SLC25A10: variants seen among roughly 807,000 people sequenced by gnomAD.
SLC25A10 encodes solute carrier family 25 member 10.
In SLC25A10, 32 loss-of-function variants were observed where a neutral mutation model predicts 40.4. The observed-to-expected ratio is 0.79, with a 90% CI of 0.60 to 1.06. The LOEUF (loss-of-function observed/expected upper bound fraction) is 1.06. SLC25A10 is among the 50% of genes least tolerant of loss of function. The pLI is 0.00. For missense variants in SLC25A10, 394 were observed against 402.6 expected (o/e 0.98, Z 0.18); for synonymous variants, 181 against 171.1 (o/e 1.06, Z -0.45).
intron 2 of SLC25A10, 115 bp from the exon 3 acceptor site, chr17:81,715,363 C>A: frequency 1.1e-6 from 1 of 940,270 alleles, no homozygotes; most frequent in South Asian, 1.5e-5. Context: ...CTTGGGAAGG[C>A]CCCTCAGGGT....
At chr17:81,713,737 G>A (rs904698484) in intron 1 of SLC25A10, among the ~76,000 whole-genome samples, 1 of 152,236 alleles carries the variant, frequency 6.6e-6, no homozygotes, top group African/African-American at 2.4e-5. Context: ...TCATCTGGGT[G>A]TTGAAGGCGG....
chr17:81,720,215 C>G lies in SLC25A10; in HGVS notation c.*138C>G. ...CCTCCGCAGCAGGCCCCTGCTGTCCCCCCACCTGCTGGCTGAGCTCCTCCT... is the reference window on the plus strand; with the variant it reads ...CCTCCGCAGCAGGCCCCTGCTGTCCGCCCACCTGCTGGCTGAGCTCCTCCT... On this transcript the variant is annotated 3_prime_UTR_variant, in exon 11 of 11. Coordinates refer to ENST00000350690, the MANE Select transcript of SLC25A10 (RefSeq NM_012140.5). The G allele has an allele frequency of 6.8e-7, 1 of 1,465,672 alleles. No homozygotes were observed. The highest frequency in any genetic ancestry group is 9.0e-7 in the Non-Finnish European group (1 of 1,116,608). The allele number at this position is 1,465,672 out of a possible 1,614,324, so 90.8% of individuals were successfully genotyped here. A position where few individuals can be genotyped will look rare whatever the true frequency, so the allele number is the denominator to read the frequency against.
chr17:81,720,221 C>T lies in SLC25A10; in HGVS notation c.*144C>T. On this transcript the variant is annotated 3_prime_UTR_variant, in exon 11 of 11. Coordinates refer to ENST00000350690, the MANE Select transcript of SLC25A10 (RefSeq NM_012140.5). ...CAGCAGGCCCCTGCTGTCCCCCCAC[C>T]TGCTGGCTGAGCTCCTCCTGGCCTC... The T allele has an allele frequency of 2.1e-6, 3 of 1,461,088 alleles. No individual in the cohort carries two copies. The highest frequency in any genetic ancestry group is 2.7e-6 in the Non-Finnish European group (3 of 1,114,476). The allele number at this position is 1,461,088 out of a possible 1,614,324, so 90.5% of individuals were successfully genotyped here.
intron 9 of SLC25A10, among the ~76,000 whole-genome samples, chr17:81,719,269 T>C (rs1467958630): frequency 6.6e-6 from 1 of 152,076 alleles, no homozygotes; most frequent in Non-Finnish European, 1.5e-5. Context: ...GGTTTCGCCA[T>C]GTTCGCCAGG....
At position 81,717,040 on chromosome 17, in the gene SLC25A10, T is replaced by A. The variant is rs775871230; in HGVS notation, c.502T>A (p.Ser168Thr). 5.0e-6 allele frequency: 8 copies of A among 1,613,586 alleles called. No homozygotes were observed. The Admixed American group carries it at 1.3e-4, about 27-fold the overall frequency. ...RRLFSGATMASSRGALVTVGQ... is the reference protein window; with the variant it reads ...RRLFSGATMATSRGALVTVGQ... The stretch of plus-strand genomic sequence containing the variant: ...ACTGTTCTCGGGTGCAACCATGGCA[T>A]CCAGCCGAGGGGCCTTAGTCACTGT... The change falls in exon 7 of 11, where the codon TCC becomes ACC. Residue 168 changes from serine to threonine, a missense_variant. Physicochemically the swap from Ser to Thr is moderately conservative, Grantham distance 58. Transcript: ENST00000350690.
intron 9 of SLC25A10, 91 bp from the exon 10 acceptor site, chr17:81,719,740 C>A: frequency 6.7e-7 from 1 of 1,496,278 alleles, no homozygotes; most frequent in Non-Finnish European, 9.3e-7. Flanking sequence ...AATGCCCAGG[C>A]CACCGTGCCT....
At position 81,719,904 on chromosome 17, in the gene SLC25A10, A is replaced by G. The variant is rs777297711; in HGVS notation, c.762+17A>G. 7.2e-5 allele frequency: 116 copies of G among 1,613,592 alleles called. No individual in the cohort carries two copies. The East Asian group carries it at 2.3e-3, about 33-fold the overall frequency. The stretch of plus-strand genomic sequence containing the variant: ...TTTTACAAGGTGCAGTGGTGGCGGC[A>G]GTGGCGGCTTGGGCAATGGGGAGCG... On this transcript the variant is annotated intron_variant, in intron 10 of 10. Coordinates refer to ENST00000350690, the MANE Select transcript of SLC25A10 (RefSeq NM_012140.5).
chr17:81,717,184 C>G (rs2037504650), intron 7 of SLC25A10, 112 bp downstream of exon 7: 1 of 1,263,270 alleles, frequency 7.9e-7, no homozygotes, highest in African/African-American at 1.5e-5. Flanking sequence ...GGGGAGCCAC[C>G]AGCTGTGACC....
At position 81,720,296 on chromosome 17, in the gene SLC25A10, TCCCGGCTGGGCACTGCGTGGCCTTG is replaced by T; in HGVS notation, c.*223_*247del. On this transcript the variant is annotated 3_prime_UTR_variant, in exon 11 of 11. Coordinates refer to ENST00000350690, the MANE Select transcript of SLC25A10 (RefSeq NM_012140.5). ...CACCCCCGCTCTGGCTACCAGGCTC[TCCCGGCTGGGCACTGCGTGGCCTTG>T]CCCCTCTCCCGCTGGCAGCTCCTCA... 7.0e-7 allele frequency: 1 copy of T among 1,435,772 alleles called. No individual in the cohort carries two copies. Among genetic ancestry groups the T allele is most frequent in the Non-Finnish European group, 9.1e-7 (1 of 1,100,342 alleles). 88.9% of individuals were successfully genotyped at this position (1,435,772 alleles called of 1,614,324 possible).
chr17:81,720,222 T>A lies in SLC25A10; in HGVS notation c.*145T>A. ...AGCAGGCCCCTGCTGTCCCCCCACC[T>A]GCTGGCTGAGCTCCTCCTGGCCTCG... is the stretch of plus-strand genomic sequence containing the variant. On this transcript the variant is annotated 3_prime_UTR_variant, in exon 11 of 11. Coordinates refer to ENST00000350690, the MANE Select transcript of SLC25A10 (RefSeq NM_012140.5). 1 of 1,460,418 alleles carries A rather than the reference T, an allele frequency of 6.8e-7. No individual in the cohort carries two copies. Among genetic ancestry groups the A allele is most frequent in the Non-Finnish European group, 9.0e-7 (1 of 1,114,078 alleles). 90.5% of individuals were successfully genotyped at this position (1,460,418 alleles called of 1,614,324 possible). A position where few individuals can be genotyped will look rare whatever the true frequency, so the allele number is the denominator to read the frequency against.
At chr17:81,713,541 C>A in intron 1 of SLC25A10, 8 of 968,036 alleles carry the variant, frequency 8.3e-6, no homozygotes, top group Non-Finnish European at 9.8e-6. Flanking sequence ...GCACCTGAGA[C>A]CTCACTGGTC....
rs1428137088 is a variant in SLC25A10, at chr17:81,716,768, G to T, written c.420-44G>T. Reference sequence around the variant, plus strand: ...CTGGGAGGACCCTCTGTGGGAGCCGGTGGTCAGGGGGAGTCTCATGTGGTC... The same window carrying T: ...CTGGGAGGACCCTCTGTGGGAGCCGTTGGTCAGGGGGAGTCTCATGTGGTC... On this transcript the variant is annotated intron_variant, in intron 5 of 10. Coordinates refer to ENST00000350690, the MANE Select transcript of SLC25A10 (RefSeq NM_012140.5). 1.9e-5 allele frequency: 30 copies of T among 1,582,668 alleles called. No individual in the cohort carries two copies. In the East Asian group the frequency reaches 6.5e-4, roughly 34 times the overall value.
At chr17:81,717,601 G>A in intron 8 of SLC25A10, 110 bp downstream of exon 8, 2 of 1,371,112 alleles carry the variant, frequency 1.5e-6, no homozygotes, top group South Asian at 2.4e-5. Flanking sequence ...GCATCTGGCA[G>A]TGCCCCCTGG....
chr17:81,714,816 G>A, intron 1 of SLC25A10, 137 bp from the exon 2 acceptor site: 1 of 1,182,258 alleles, frequency 8.5e-7, no homozygotes, highest in South Asian at 1.5e-5. Context: ...GCTGGTTCCA[G>A]GCACGGGTGT....
intron 9 of SLC25A10, 64 bp downstream of exon 9, chr17:81,717,925 G>A: frequency 3.0e-6 from 4 of 1,315,942 alleles, no homozygotes; most frequent in Non-Finnish European, 4.3e-6. Flanking sequence ...ACCTCTCCGG[G>A]GGGTGGACAC....
chr17:81,719,848 C>A lies in SLC25A10; in HGVS notation c.723C>A (p.Ala241=), dbSNP rs746848387. 3 of 1,613,544 alleles carry A rather than the reference C, an allele frequency of 1.9e-6. No individual in the cohort carries two copies. Among genetic ancestry groups the A allele is most frequent in the Non-Finnish European group, 2.5e-6 (3 of 1,179,994 alleles). ...TTCTGCAGGGCGTTTTCCACTGCGC[C>A]GTGGAGACAGCGAAGCTCGGGCCTC... is the stretch of plus-strand genomic sequence containing the variant. ...KGEYQGVFHC[A]VETAKLGPLA... Residue 241 remains alanine, a synonymous_variant, in exon 10 of 11, where the codon GCC becomes GCA. Transcript: ENST00000350690.
rs1568233064 is a variant in SLC25A10 at position 81,719,889 on chromosome 17, TGCAGTGGTGGCG to T, written c.762+10_762+21del. On this transcript the variant is annotated splice_donor_5th_base_variant and intron_variant, in intron 10 of 10. Transcript: ENST00000350690. ...CTCGGGCCTCTGGCCTTTTACAAGG[TGCAGTGGTGGCG>T]GCAGTGGCGGCTTGGGCAATGGGGA... The T allele has an allele frequency of 6.2e-7, 1 of 1,613,744 alleles. No homozygotes were observed. The highest frequency in any genetic ancestry group is 8.5e-7 in the Non-Finnish European group (1 of 1,180,010).
At chr17:81,718,175 G>A (rs2037523479) in intron 9 of SLC25A10, among the ~76,000 whole-genome samples, 1 of 151,540 alleles carries the variant, frequency 6.6e-6, no homozygotes, top group Non-Finnish European at 1.5e-5. Flanking sequence ...CTGAAACCCT[G>A]TCTCTACCAA....
intron 6 of SLC25A10, 48 bp from the exon 7 acceptor site, chr17:81,716,954 T>C: frequency 6.2e-7 from 1 of 1,610,390 alleles, no homozygotes; most frequent in Non-Finnish European, 8.5e-7. Context: ...GCCAGGTGCC[T>C]GGCCTCACCC....
Sources: allele counts gnomAD v4.1 joint callset (sites outside exome capture counted in the v4.1 genomes callset), GRCh38; gene constraint gnomAD v4.1.1; transcripts MANE v1.5; gene names NCBI Gene and HGNC (gene_info 2026-07-23, HGNC 2026-07-21).